MAP3K7CL: variants seen among roughly 807,000 people sequenced by gnomAD.
MAP3K7CL encodes the protein MAP3K7 C-terminal like, also known as MAP3K7 C-terminal-like protein.
A neutral mutation model predicts 18.6 loss-of-function variants in MAP3K7CL; 16 were observed. That is an observed-to-expected ratio of 0.86 (90% CI 0.58 to 1.31). MAP3K7CL has a LOEUF of 1.31. Ranked by LOEUF, MAP3K7CL falls within the 50% of genes most tolerant of loss-of-function variation. The probability of loss-of-function intolerance (pLI) is 0.00; values close to 1 mark genes in which losing one functional copy is unlikely to be tolerated. For missense variants in MAP3K7CL, 163 were observed against 174.4 expected (o/e 0.93, Z 0.37); for synonymous variants, 65 against 66.8 (o/e 0.97, Z 0.13).
At position 29,174,945 on chromosome 21, in the gene MAP3K7CL, C is replaced by T. The variant is rs1244795404; in HGVS notation, c.*53C>T. 69 of 1,518,656 alleles carry T rather than the reference C, an allele frequency of 4.5e-5. 1 individual carries two copies. In the Admixed American group the frequency reaches 1.4e-3, roughly 32 times the overall value. The allele number at this position is 1,518,656 out of a possible 1,614,324, so 94.1% of individuals were successfully genotyped here. A position where few individuals can be genotyped will look rare whatever the true frequency, so the allele number is the denominator to read the frequency against. On this transcript the variant is annotated 3_prime_UTR_variant, in exon 5 of 5. Transcript: ENST00000399928. ...AGGCTGATGACTGCCCTGTGCTGGC[C>T]AAAAGATTTTTATTTTAAATGAATA...
chr21:29,085,940 C>T, intron 1 of MAP3K7CL: 1 of 1,613,710 alleles, frequency 6.2e-7, no homozygotes, highest in Non-Finnish European at 8.5e-7. Context: ...TCCCCCAACC[C>T]CTTCCTGTAA....
chr21:29,164,322 A>AGCTCTCCATTTT (rs2146742201), intron 4 of MAP3K7CL, among the ~76,000 whole-genome samples: 1 of 152,330 alleles, frequency 6.6e-6, no homozygotes, highest in Non-Finnish European at 1.5e-5. Context: ...CCAAGTAGTT[A>AGCTCTCCATTTT]GCTCTCCATT....
intron 4 of MAP3K7CL, among the ~76,000 whole-genome samples, chr21:29,099,361 TC>T (rs752608944): frequency 5.7e-4 from 85 of 149,904 alleles, no homozygotes; most frequent in South Asian, 2.1e-3. Flanking sequence ...TGCCTTGGTC[TC>T]CCAAAGTGCT....
chr21:29,140,307 G>A (rs1416558342), intron 2 of MAP3K7CL, among the ~76,000 whole-genome samples: 2 of 152,190 alleles, frequency 1.3e-5, no homozygotes, highest in Non-Finnish European at 2.9e-5. Context: ...TTATTGGTTG[G>A]AATGTATTAC....
intron 4 of MAP3K7CL, among the ~76,000 whole-genome samples, chr21:29,104,947 T>C (rs1248594382): frequency 6.6e-6 from 1 of 152,194 alleles, no homozygotes; most frequent in East Asian, 1.9e-4. Flanking sequence ...CCAGCTCTCC[T>C]GGAGAAACTC....
intron 3 of MAP3K7CL, among the ~76,000 whole-genome samples, chr21:29,153,317 G>T (rs1385985443): frequency 1.3e-5 from 2 of 152,194 alleles, no homozygotes; most frequent in Non-Finnish European, 2.9e-5. Flanking sequence ...CCTTTCTTGG[G>T]ACTAGGTTTC....
chr21:29,092,507 C>A, exon 4 of MAP3K7CL: 1 of 1,614,230 alleles, frequency 6.2e-7, no homozygotes, highest in Non-Finnish European at 8.5e-7. Flanking sequence ...AGCAAGTTGG[C>A]TACTGGCGAT....
Position 29,174,701 on chromosome 21 carries a change from C to G in MAP3K7CL, c.249-11C>G. ...CTGTGCTTCTTCCTGCCCTTTACCC[C>G]GAATCTTCAGGAAGGAGCTCATTGC... On this transcript the variant is annotated splice_polypyrimidine_tract_variant and intron_variant, in intron 4 of 4. Transcript: ENST00000399928. The G allele has an allele frequency of 6.2e-7, 1 of 1,613,706 alleles. No homozygotes were observed. The highest frequency in any genetic ancestry group is 1.1e-5 in the South Asian group (1 of 91,048).
At chr21:29,152,422 G>A (rs2087298290) in intron 3 of MAP3K7CL, among the ~76,000 whole-genome samples, 1 of 152,182 alleles carries the variant, frequency 6.6e-6, no homozygotes, top group Non-Finnish European at 1.5e-5. Flanking sequence ...AGTCTCGTGT[G>A]CTTTCATTAC....
intron 4 of MAP3K7CL, among the ~76,000 whole-genome samples, chr21:29,167,574 C>A (rs1397510498): frequency 2.0e-5 from 3 of 151,102 alleles, no homozygotes; most frequent in African/African-American, 7.3e-5. Flanking sequence ...GGATTTATTT[C>A]TTTAGGATAT....
intron 3 of MAP3K7CL, among the ~76,000 whole-genome samples, chr21:29,158,325 A>G (rs528455797): frequency 6.6e-6 from 1 of 152,226 alleles, no homozygotes; most frequent in South Asian, 2.1e-4. Context: ...ACTGTGCGTT[A>G]TTTTTCAATT....
At chr21:29,170,484 A>T (rs1406351170) in intron 4 of MAP3K7CL, among the ~76,000 whole-genome samples, 2 of 152,214 alleles carry the variant, frequency 1.3e-5, no homozygotes, top group African/African-American at 4.8e-5. Context: ...AGCCATTGTT[A>T]TCCCCATTAC....
intron 3 of MAP3K7CL, among the ~76,000 whole-genome samples, chr21:29,151,450 G>A (rs921813581): frequency 2.0e-5 from 3 of 151,896 alleles, no homozygotes; most frequent in African/African-American, 4.8e-5. Context: ...CTCCAGCCTG[G>A]GCAACAGAGC....
chr21:29,165,199 C>A (rs1034229066), intron 4 of MAP3K7CL, among the ~76,000 whole-genome samples: 3 of 152,076 alleles, frequency 2.0e-5, no homozygotes, highest in Admixed American at 6.6e-5. Context: ...AGTAGAGAAA[C>A]CACTTATTTA....
intron 1 of MAP3K7CL, among the ~76,000 whole-genome samples, chr21:29,132,532 CAG>C (rs1371982227): frequency 1.3e-5 from 2 of 151,934 alleles, no homozygotes; most frequent in Non-Finnish European, 2.9e-5. Flanking sequence ...TTATTTTAGA[CAG>C]AGTCTCACTC....
intron 3 of MAP3K7CL, among the ~76,000 whole-genome samples, chr21:29,157,646 C>T (rs1376477276): frequency 6.6e-6 from 1 of 152,128 alleles, no homozygotes; most frequent in Admixed American, 6.5e-5. Flanking sequence ...TATGTACTAC[C>T]TATCATCACA....
chr21:29,079,212 GC>G (rs1442042689), intron 1 of MAP3K7CL, among the ~76,000 whole-genome samples: 1 of 152,178 alleles, frequency 6.6e-6, no homozygotes, highest in Non-Finnish European at 1.5e-5. Context: ...AAGGAAGATG[GC>G]CTTGGAGAAG....
intron 4 of MAP3K7CL, among the ~76,000 whole-genome samples, chr21:29,115,054 A>G (rs563775432): frequency 7.2e-4 from 110 of 152,318 alleles, no homozygotes; most frequent in Non-Finnish European, 1.4e-3. Context: ...ATTGGACAGC[A>G]GGGGGTTTGG....
At chr21:29,167,768 C>A (rs193284603) in intron 4 of MAP3K7CL, among the ~76,000 whole-genome samples, 2 of 147,804 alleles carry the variant, frequency 1.4e-5, no homozygotes, top group African/African-American at 5.1e-5. Flanking sequence ...GGCGCGATCT[C>A]GGCTCACTGC....
Sources: gnomAD v4.1 joint callset for allele counts (sites outside exome capture counted in the v4.1 genomes callset) on GRCh38, gnomAD v4.1.1 for gene constraint, MANE v1.5 for transcripts, NCBI Gene and HGNC (gene_info 2026-07-23, HGNC 2026-07-21) for gene names.